Variants in RBM22 observed in about 807,000 individuals in gnomAD.
The protein encoded by RBM22 is pre-mRNA-splicing factor RBM22.
In RBM22, 1 loss-of-function variant was observed where a neutral mutation model predicts 50.1. The ratio of observed to expected loss-of-function variants is 0.02; its 90% confidence interval spans 0.01 to 0.09. The LOEUF (loss-of-function observed/expected upper bound fraction) is 0.09, where lower values mean the gene tolerates loss of function less well. Among genes scored for constraint, RBM22 ranks in the 10% least tolerant of loss-of-function variants. RBM22 has a pLI of 1.00. For synonymous variants in RBM22, 152 were observed against 179.0 expected (o/e 0.85, Z 1.20); for missense variants, 264 against 529.3 (o/e 0.50, Z 4.92).
rs1391324253 is a variant in RBM22 at position 150,691,198 on chromosome 5, T to TGAGGAAAAGGA, written c.*542_*552dup. 1 of 152,270 alleles carries TGAGGAAAAGGA rather than the reference T, an allele frequency of 6.6e-6. No individual in the cohort carries two copies. Among genetic ancestry groups the TGAGGAAAAGGA allele is most frequent in the Non-Finnish European group, 1.5e-5 (1 of 68,036 alleles). The allele number at this position is 152,270 out of a possible 1,614,324, so 9.4% of individuals were successfully genotyped here. A position where few individuals can be genotyped will look rare whatever the true frequency, so the allele number is the denominator to read the frequency against. The stretch of plus-strand genomic sequence containing the variant: ...ATGGTCAGATTCCTTTAGGAATAAA[T>TGAGGAAAAGGA]GAGGAAAAGGAGAGGAAAGAGAAGA... On this transcript the variant is annotated 3_prime_UTR_variant, in exon 11 of 11. Coordinates refer to ENST00000199814, the MANE Select transcript of RBM22 (RefSeq NM_018047.3).
chr5:150,695,411 A>T, intron 7 of RBM22, 95 bp downstream of exon 7: 1 of 1,102,106 alleles, frequency 9.1e-7, no homozygotes. Context: ...AGAAAAATGT[A>T]TTTTGTACAG....
At chr5:150,700,565 G>C in intron 1 of RBM22, 68 bp from the exon 2 acceptor site, 1 of 1,609,396 alleles carries the variant, frequency 6.2e-7, no homozygotes. Context: ...TGACACTTGG[G>C]GTGGCGAGGG....
chr5:150,691,777 G>A lies in RBM22; in HGVS notation c.1237C>T (p.His413Tyr), dbSNP rs1759212487. Residue 413 changes from histidine to tyrosine, a missense_variant, in exon 11 of 11, where the codon CAT (histidine) becomes TAT (tyrosine). His to Tyr is a moderately conservative substitution (Grantham distance 83, BLOSUM62 2). Coordinates refer to ENST00000199814, the MANE Select transcript of RBM22 (RefSeq NM_018047.3). The stretch of plus-strand genomic sequence containing the variant: ...TAGGGGCTGCTGTGTTTTCCAGCAT[G>A]AGCTCCCATCCTCTGAGGGTCCTGA... Reference protein sequence around the residue: ...PSQDPQRMGAHAGKHSSP With the variant: ...PSQDPQRMGAYAGKHSSP 1.3e-6 allele frequency: 2 copies of A among 1,594,440 alleles called. No homozygotes were observed. Among genetic ancestry groups the A allele is most frequent in the Admixed American group, 1.7e-5 (1 of 57,484 alleles).
rs1759206302 is a variant in RBM22, at chr5:150,691,372, T to C, written c.*379A>G. The C allele has an allele frequency of 6.4e-6, 1 of 157,470 alleles. No individual in the cohort carries two copies. Among genetic ancestry groups the C allele is most frequent in the African/African-American group, 2.4e-5 (1 of 41,638 alleles). 9.8% of individuals were successfully genotyped at this position (157,470 alleles called of 1,614,324 possible). On this transcript the variant is annotated 3_prime_UTR_variant, in exon 11 of 11. Coordinates refer to ENST00000199814, the MANE Select transcript of RBM22 (RefSeq NM_018047.3). ...AAGTATCCAATGGACATAAAAATGG[T>C]CAAAGGTTTTTTTACTGCAGGTCAA... is the stretch of plus-strand genomic sequence containing the variant.
intron 4 of RBM22, among the ~76,000 whole-genome samples, chr5:150,697,162 C>G (rs1759286893): frequency 1.3e-5 from 2 of 152,150 alleles, no homozygotes; most frequent in Non-Finnish European, 2.9e-5. Flanking sequence ...TGGCTCATGC[C>G]TGTAATCCTA....
Position 150,693,409 on chromosome 5 carries a change from C to T in RBM22, c.912-102G>A, listed in dbSNP as rs111664005. ...CAATGGAGTTCCTTCGCTCTACCTC[C>T]TCCTCAGCACACACTCTTTTCCCAT... On this transcript the variant is annotated intron_variant, in intron 8 of 10. Transcript: ENST00000199814. The T allele has an allele frequency of 1.5e-3, 1,274 of 839,778 alleles. 14 individuals are homozygous for T. The African/African-American group carries it at 0.019, about 13-fold the overall frequency. The allele number at this position is 839,778 out of a possible 1,614,324, so 52.0% of individuals were successfully genotyped here.
chr5:150,697,476 A>C (rs116082817), intron 4 of RBM22, among the ~76,000 whole-genome samples: 1 of 152,212 alleles, frequency 6.6e-6, no homozygotes, highest in East Asian at 1.9e-4. Context: ...AACTGTGCCC[A>C]TGGTCATATT....
chr5:150,700,239 T>G (rs186023237), intron 2 of RBM22, among the ~76,000 whole-genome samples: 8 of 152,316 alleles, frequency 5.3e-5, no homozygotes, highest in Admixed American at 5.2e-4. Context: ...CAACAAATAC[T>G]AGCTATCGTT....
chr5:150,698,016 G>A (rs1759299291), intron 4 of RBM22, among the ~76,000 whole-genome samples: 1 of 152,178 alleles, frequency 6.6e-6, no homozygotes, highest in Non-Finnish European at 1.5e-5. Flanking sequence ...TGGTATACCA[G>A]GAGGCAGAGG....
At chr5:150,693,492 G>A (rs756512953) in intron 8 of RBM22, among the ~76,000 whole-genome samples, 185 bp from the exon 9 acceptor site, 6 of 152,136 alleles carry the variant, frequency 3.9e-5, no homozygotes, top group Non-Finnish European at 7.3e-5. Context: ...AAAGACCTGG[G>A]TTCAAAAGCT....
In RBM22 at chr5:150,691,564, T is replaced by G; in HGVS notation, c.*187A>C. On this transcript the variant is annotated 3_prime_UTR_variant, in exon 11 of 11. Coordinates refer to ENST00000199814, the MANE Select transcript of RBM22 (RefSeq NM_018047.3). The stretch of plus-strand genomic sequence containing the variant: ...GTAACCAGATGTGTTAATGGCAGCT[T>G]ATTTACGGTCCATCGATCCTTTGAA... The G allele has an allele frequency of 1.5e-6, 1 of 645,908 alleles. No individual in the cohort carries two copies. Among genetic ancestry groups the G allele is most frequent in the Non-Finnish European group, 2.3e-6 (1 of 430,410 alleles). 40.0% of individuals were successfully genotyped at this position (645,908 alleles called of 1,614,324 possible). A position where few individuals can be genotyped will look rare whatever the true frequency, so the allele number is the denominator to read the frequency against.
At chr5:150,700,252 T>C (rs1208761491) in intron 2 of RBM22, among the ~76,000 whole-genome samples, 192 bp downstream of exon 2, 1 of 152,226 alleles carries the variant, frequency 6.6e-6, no homozygotes, top group Non-Finnish European at 1.5e-5. Flanking sequence ...CTATCGTTAT[T>C]ACCCCTACAT....
At position 150,696,536 on chromosome 5, in the gene RBM22, T is replaced by C; in HGVS notation, c.542A>G (p.Tyr181Cys). The C allele has an allele frequency of 6.2e-7, 1 of 1,612,546 alleles. No individual in the cohort carries two copies. Among genetic ancestry groups the C allele is most frequent in the Non-Finnish European group, 8.5e-7 (1 of 1,179,512 alleles). Reference protein sequence around the residue: ...GECKRGEECPYRHEKPTDPDD... With the variant: ...GECKRGEECPCRHEKPTDPDD... ...TGAAAATGAGGCTCGCTCTTGCCTG[T>C]ATGGACATTCCTCTCCTCTCTTACA... is the stretch of plus-strand genomic sequence containing the variant. The change falls in exon 6 of 11, where the codon TAC becomes TGC. Residue 181 changes from tyrosine to cysteine, a missense_variant. This residue lies in a region of RBM22 where 7 missense variants were observed against 50.6 expected (regional missense o/e 0.14). Coordinates refer to ENST00000199814, the MANE Select transcript of RBM22 (RefSeq NM_018047.3). This position sits in a 1 kb window ranked among gnomAD's most constrained non-coding sequence, Gnocchi z 4.3.
intron 1 of RBM22, 140 bp from the exon 2 acceptor site, chr5:150,700,637 C>T (rs766694361): frequency 2.0e-6 from 3 of 1,536,058 alleles, no homozygotes; most frequent in Non-Finnish European, 2.6e-6. Flanking sequence ...ACGACCCGAT[C>T]GCGGGAGGGG....
chr5:150,700,332 G>A, intron 2 of RBM22, 112 bp downstream of exon 2: 2 of 1,075,558 alleles, frequency 1.9e-6, no homozygotes, highest in Non-Finnish European at 2.7e-6. Context: ...AGCACTTCGC[G>A]TTAGTAAAAG....
chr5:150,701,052 GC>G lies in RBM22; in HGVS notation c.-68del, dbSNP rs909800640. 2 of 1,604,966 alleles carry G rather than the reference GC, an allele frequency of 1.2e-6. No homozygotes were observed. Among genetic ancestry groups the G allele is most frequent in the Admixed American group, 3.3e-5 (2 of 59,930 alleles). On this transcript the variant is annotated 5_prime_UTR_variant, in exon 1 of 11. Coordinates refer to ENST00000199814, the MANE Select transcript of RBM22 (RefSeq NM_018047.3). ...GAGAGGACCGCCACAATCCCGTCAA[GC>G]CCCGAGGCTAGCGCCGCGCCGGTCG...
At chr5:150,699,462 C>T (rs746090431) in intron 2 of RBM22, among the ~76,000 whole-genome samples, 191 bp from the exon 3 acceptor site, 108 of 152,270 alleles carry the variant, frequency 7.1e-4, no homozygotes, top group Non-Finnish European at 1.5e-3. Context: ...ACTATAACAA[C>T]ATATTATAAG....
chr5:150,695,528 T>C lies in RBM22; in HGVS notation c.724A>G (p.Thr242Ala). The change falls in exon 7 of 11, where the codon ACC (threonine) becomes GCC (alanine). Residue 242 changes from threonine (T) to alanine (A), a missense_variant. Thr to Ala is a moderately conservative substitution (Grantham distance 58, BLOSUM62 0). Around this residue, in one of 7 missense-constraint regions of RBM22, gnomAD observed 62 missense variants for 102.6 expected, o/e 0.60. Transcript: ENST00000199814. ...TTLYVGGLGD[T>A]ITETDLRNHF... ...AACCTTAAATCTGTCTCAGTAATGG[T>C]ATCACCTAGACCACCAACATATAGT... is the stretch of plus-strand genomic sequence containing the variant. The C allele has an allele frequency of 6.2e-7, 1 of 1,613,926 alleles. No homozygotes were observed. The highest frequency in any genetic ancestry group is 8.5e-7 in the Non-Finnish European group (1 of 1,179,850).
Position 150,696,994 on chromosome 5 carries a change from T to G in RBM22, c.272-103A>C. On this transcript the variant is annotated intron_variant, in intron 4 of 10. Transcript: ENST00000199814. This position sits in a 1 kb window ranked among gnomAD's most constrained non-coding sequence, Gnocchi z 4.3. ...CATCTTTCCCTTCTCCTCTTTCCTA[T>G]TTAGTACCAGAGACTTTACTATGTT... is the stretch of plus-strand genomic sequence containing the variant. 9.1e-7 allele frequency: 1 copy of G among 1,104,304 alleles called. No homozygotes were observed. 68.4% of individuals were successfully genotyped at this position (1,104,304 alleles called of 1,614,324 possible). A position where few individuals can be genotyped will look rare whatever the true frequency, so the allele number is the denominator to read the frequency against.
Sources: gnomAD v4.1 joint callset for allele counts (sites outside exome capture counted in the v4.1 genomes callset) on GRCh38, gnomAD v4.1.1 for gene constraint, gnomAD v4.1.1 regional missense constraint, Gnocchi (gnomAD v3.1) non-coding constraint, MANE v1.5 for transcripts, NCBI Gene and HGNC (gene_info 2026-07-23, HGNC 2026-07-21) for gene names.